ESYT3: variants seen among roughly 807,000 people sequenced by gnomAD.
ESYT3 encodes the protein extended synaptotagmin-3.
A neutral mutation model predicts 111.5 loss-of-function variants in ESYT3; 101 were observed. The observed-to-expected ratio is 0.91, with a 90% confidence interval of 0.77 to 1.07. The LOEUF (loss-of-function observed/expected upper bound fraction) is 1.07, where lower values mean the gene tolerates loss of function less well. Ranked by LOEUF, ESYT3 falls within the 50% of genes least tolerant of loss-of-function variation. The pLI, the probability that ESYT3 is intolerant of heterozygous loss-of-function variation, is 0.00. For synonymous variants in ESYT3, 416 were observed against 446.8 expected (o/e 0.93, Z 0.87); for missense variants, 1,097 against 1,109.4 (o/e 0.99, Z 0.16).
chr3:138,470,001 C>T lies in ESYT3; in HGVS notation c.1504-59C>T, dbSNP rs895288038. ...GTGGCCAGAGTGATAGCAGAGGGTGCCGGTATCCAGCTCTGCCCAACCTAA... is the reference window on the plus strand; with the variant it reads ...GTGGCCAGAGTGATAGCAGAGGGTGTCGGTATCCAGCTCTGCCCAACCTAA... On this transcript the variant is annotated intron_variant, in intron 15 of 22. Transcript: ENST00000389567. 81 of 1,458,366 alleles carry T rather than the reference C, an allele frequency of 5.6e-5. No individual in the cohort carries two copies. In the African/African-American group the frequency reaches 1.0e-3, roughly 18 times the overall value. The allele number at this position is 1,458,366 out of a possible 1,614,324, so 90.3% of individuals were successfully genotyped here.
At chr3:138,451,169 C>T (rs2031899467) in intron 1 of ESYT3, among the ~76,000 whole-genome samples, 1 of 152,252 alleles carries the variant, frequency 6.6e-6, no homozygotes, top group African/African-American at 2.4e-5. Context: ...CCACTCCACT[C>T]ACCTTCCACT....
chr3:138,465,266 G>A (rs948708384), intron 9 of ESYT3, 73 bp from the exon 10 acceptor site: 4 of 1,138,658 alleles, frequency 3.5e-6, no homozygotes, highest in Non-Finnish European at 5.1e-6. Context: ...TCTGAGCCAT[G>A]ATTTGGCTCC....
chr3:138,439,165 A>G (rs1218939586), intron 1 of ESYT3, among the ~76,000 whole-genome samples: 1 of 152,216 alleles, frequency 6.6e-6, no homozygotes, highest in Non-Finnish European at 1.5e-5. Flanking sequence ...CTGCTTGCAC[A>G]GAGCCAGACA....
In ESYT3 at chr3:138,435,073, A is replaced by G. The variant is rs1315977977; in HGVS notation, c.275A>G (p.Asn92Ser). ...GCCGCCGCCTTCGAATTCCTTGACAATGAACGCGAGTTCATCAGCCGCGAG... is the reference window on the plus strand; with the variant it reads ...GCCGCCGCCTTCGAATTCCTTGACAGTGAACGCGAGTTCATCAGCCGCGAG... ...RLAAAFEFLDNEREFISRELR... is the reference protein window; with the variant it reads ...RLAAAFEFLDSEREFISRELR... The change falls in exon 1 of 23, where the codon AAT becomes AGT. Residue 92 changes from asparagine to serine, a missense_variant. Coordinates refer to ENST00000389567, the MANE Select transcript of ESYT3 (RefSeq NM_031913.5). The surrounding 1 kb of genome is among the most constrained non-coding windows in gnomAD (Gnocchi z 4.8). 1.9e-6 allele frequency: 3 copies of G among 1,594,466 alleles called. No individual in the cohort carries two copies. The highest frequency in any genetic ancestry group is 1.7e-6 in the Non-Finnish European group (2 of 1,172,988).
chr3:138,471,248 T>C (rs2033206500), intron 17 of ESYT3, among the ~76,000 whole-genome samples: 1 of 152,234 alleles, frequency 6.6e-6, no homozygotes, highest in Admixed American at 6.5e-5. Flanking sequence ...TAAATTCCTC[T>C]CTCTAGAATT....
At chr3:138,460,500 C>A in intron 6 of ESYT3, 111 bp from the exon 7 acceptor site, 1 of 1,200,678 alleles carries the variant, frequency 8.3e-7, no homozygotes. Flanking sequence ...CGAACCCCCA[C>A]CCTGGAAGGC....
chr3:138,435,663 GGGCC>G lies in ESYT3; in HGVS notation c.327+539_327+542del, dbSNP rs2030612186. Among the ~76,000 whole-genome samples the G allele has an allele frequency of 1.3e-5, 2 of 150,422 alleles. No homozygotes were observed. The highest frequency in any genetic ancestry group is 4.9e-5 in the African/African-American group (2 of 40,766). ...GTACGGCTGGGAGACCGACGGCGCC[GGGCC>G]CCGGGCCTCCTTCCCTCCCTCCCTC... On this transcript the variant is annotated intron_variant, in intron 1 of 22. Transcript: ENST00000389567. This position sits in a 1 kb window ranked among gnomAD's most constrained non-coding sequence, Gnocchi z 4.8.
At chr3:138,437,073 C>T (rs980598577) in intron 1 of ESYT3, among the ~76,000 whole-genome samples, 6 of 152,000 alleles carry the variant, frequency 3.9e-5, no homozygotes, top group African/African-American at 7.2e-5. Flanking sequence ...GAAGGCACCT[C>T]CTAGGTTTTC....
At chr3:138,449,076 CTTTT>C (rs2031752608) in intron 1 of ESYT3, among the ~76,000 whole-genome samples, 2 of 128,442 alleles carry the variant, frequency 1.6e-5, no homozygotes, top group African/African-American at 3.3e-5. Context: ...CCTACACTTT[CTTTT>C]TCTTTTTTTT....
chr3:138,434,831 CCCCAGCGCCCTGGGAG>C lies in ESYT3; in HGVS notation c.42_57del (p.Leu15ArgfsTer32), dbSNP rs778628174. 7 of 1,556,612 alleles carry C rather than the reference CCCCAGCGCCCTGGGAG, an allele frequency of 4.5e-6. No individual in the cohort carries two copies. The highest frequency in any genetic ancestry group is 4.1e-5 in the African/African-American group (3 of 73,214). ...CAGAGGAGCCCTGCGCCCCCGGGGC[CCCCAGCGCCCTGGGAG>C]CCCAGCGCACGCCGGGCCCCGAGCT... On this transcript the variant is annotated frameshift_variant, in exon 1 of 23. Transcript: ENST00000389567. LOFTEE classifies it high-confidence loss of function.
rs116581083 is a variant in ESYT3, at chr3:138,447,910, A to T, written c.328-4138A>T. On this transcript the variant is annotated intron_variant, in intron 1 of 22. Transcript: ENST00000389567. The stretch of plus-strand genomic sequence containing the variant: ...TTTGTAGATTGACAAGCTGATTCTA[A>T]AATTCATACAGAACAATAAATATCT... Among the ~76,000 whole-genome samples, 112 of 152,260 alleles carry T rather than the reference A, an allele frequency of 7.4e-4. 1 individual carries two copies. The highest frequency in any genetic ancestry group is 2.3e-3 in the African/African-American group (97 of 41,538).
intron 1 of ESYT3, among the ~76,000 whole-genome samples, chr3:138,445,636 C>T (rs2031488952): frequency 6.6e-6 from 1 of 152,238 alleles, no homozygotes; most frequent in South Asian, 2.1e-4. Context: ...GAACTGGACA[C>T]ATAGCTCAGG....
chr3:138,477,124 T>C lies in ESYT3; in HGVS notation c.*270T>C. On this transcript the variant is annotated 3_prime_UTR_variant, in exon 23 of 23. Transcript: ENST00000389567. Reference sequence around the variant, plus strand: ...AAATGTTATATTTGTGCCTACTAAATTATCCAAACCTCAGTGTTTATATAC... The same window carrying C: ...AAATGTTATATTTGTGCCTACTAAACTATCCAAACCTCAGTGTTTATATAC... 1 of 346,422 alleles carries C rather than the reference T, an allele frequency of 2.9e-6. No homozygotes were observed. Among genetic ancestry groups the C allele is most frequent in the East Asian group, 6.0e-5 (1 of 16,552 alleles). 21.5% of individuals were successfully genotyped at this position (346,422 alleles called of 1,614,324 possible).
intron 5 of ESYT3, among the ~76,000 whole-genome samples, chr3:138,459,468 C>G (rs2032496732): frequency 6.6e-6 from 1 of 152,200 alleles, no homozygotes; most frequent in African/African-American, 2.4e-5. Flanking sequence ...GAGACCCCAG[C>G]CTCATCTGAC....
At chr3:138,469,942 C>T in intron 15 of ESYT3, 118 bp from the exon 16 acceptor site, 3 of 760,078 alleles carry the variant, frequency 3.9e-6, no homozygotes, top group Non-Finnish European at 4.2e-6. Context: ...GGTCTGATCC[C>T]AGGGCATATA....
intron 11 of ESYT3, 29 bp downstream of exon 11, chr3:138,467,638 G>C (rs1032540925): frequency 6.2e-7 from 1 of 1,611,614 alleles, no homozygotes; most frequent in Non-Finnish European, 8.5e-7. Context: ...ACCCTCGGGG[G>C]AGTTTCAAGG....
intron 1 of ESYT3, among the ~76,000 whole-genome samples, chr3:138,444,638 T>TCTCTTCCTC (rs1219551813): frequency 6.6e-6 from 1 of 152,162 alleles, no homozygotes. Flanking sequence ...CGCACTTCCT[T>TCTCTTCCTC]CTCTTCCTCC....
chr3:138,462,018 G>A, intron 7 of ESYT3, 68 bp from the exon 8 acceptor site: 1 of 1,608,634 alleles, frequency 6.2e-7, no homozygotes, highest in Admixed American at 1.7e-5. Flanking sequence ...TCCTGCTAGG[G>A]ATGGAGTGGC....
Position 138,460,602 on chromosome 3 carries a change from C to T in ESYT3, c.739-9C>T. 1 of 1,614,028 alleles carries T rather than the reference C, an allele frequency of 6.2e-7. No homozygotes were observed. The highest frequency in any genetic ancestry group is 8.5e-7 in the Non-Finnish European group (1 of 1,179,890). ...TTTCCAGCCTAATAGCTTCCCTCTG[C>T]CCCTGAAGCACCTACAGATCAACTG... On this transcript the variant is annotated splice_polypyrimidine_tract_variant and intron_variant, in intron 6 of 22. Transcript: ENST00000389567.
Sources: allele counts gnomAD v4.1 joint callset (sites outside exome capture counted in the v4.1 genomes callset), GRCh38; gene constraint gnomAD v4.1.1; non-coding constraint Gnocchi (gnomAD v3.1); transcripts MANE v1.5; gene names NCBI Gene and HGNC (gene_info 2026-07-23, HGNC 2026-07-21).